The following INPPL1 variants were observed in gnomAD, a reference collection of about 807,000 sequenced individuals.
INPPL1 encodes the protein inositol polyphosphate phosphatase like 1, also known as phosphatidylinositol 3,4,5-trisphosphate 5-phosphatase 2.
A neutral mutation model predicts 139.3 loss-of-function variants in INPPL1; 91 were observed. That is an observed-to-expected ratio of 0.65 (90% confidence interval 0.55 to 0.78). INPPL1 has a LOEUF of 0.78. INPPL1 is among the 30% of genes least tolerant of loss of function. The pLI, the probability that INPPL1 is intolerant of heterozygous loss-of-function variation, is 0.00. For missense variants in INPPL1, 1,411 were observed against 1,665.6 expected (o/e 0.85, Z 2.66); for synonymous variants, 719 against 686.6 (o/e 1.05, Z -0.74).
In INPPL1 at chr11:72,228,216, G is replaced by A; in HGVS notation, c.209G>A (p.Arg70His). 6 of 1,614,098 alleles carry A rather than the reference G, an allele frequency of 3.7e-6. No homozygotes were observed. Among genetic ancestry groups the A allele is most frequent in the Non-Finnish European group, 4.2e-6 (5 of 1,179,992 alleles). ...VLYQKHVHTY[R>H]ILPDGEDFLA... ...TATCAGAAGCATGTGCACACGTATC[G>A]CATTCTGCCTGATGGAGAAGATTTC... The change falls in exon 2 of 28, where the codon CGC becomes CAC. Residue 70 changes from arginine (R) to histidine (H), a missense_variant. By Grantham distance (29) the Arg-to-His change is conservative. Coordinates refer to ENST00000298229, the MANE Select transcript of INPPL1 (RefSeq NM_001567.4). The surrounding 1 kb of genome is among the most constrained non-coding windows in gnomAD (Gnocchi z 5.0).
chr11:72,234,637 C>T lies in INPPL1; in HGVS notation c.2415+22C>T, dbSNP rs1277844714. The T allele has an allele frequency of 1.3e-6, 2 of 1,581,264 alleles. No individual in the cohort carries two copies. The highest frequency in any genetic ancestry group is 1.7e-5 in the Admixed American group (1 of 59,844). ...CACGGTGAGGCTGTGGGCAGGGCCC[C>T]TGCTTATGGGTGAGGGCACAGAGAG... On this transcript the variant is annotated intron_variant, in intron 21 of 27. Transcript: ENST00000298229. This position sits in a 1 kb window ranked among gnomAD's most constrained non-coding sequence, Gnocchi z 4.2.
In INPPL1 at chr11:72,228,824, T is replaced by A; in HGVS notation, c.495T>A (p.Thr165=). The A allele has an allele frequency of 1.9e-6, 3 of 1,611,212 alleles. No homozygotes were observed. The highest frequency in any genetic ancestry group is 2.5e-6 in the Non-Finnish European group (3 of 1,178,538). ...GCAGTCCCCTGCCAGCTCCTGAGAC[T>A]CCCACAGCTCCAGCTGCTGAGAGGT... is the stretch of plus-strand genomic sequence containing the variant. ...GPSSPLPAPE[T]PTAPAAESAP... is the part of the protein sequence containing the mutation. Residue 165 remains threonine, a synonymous_variant, in exon 4 of 28, where the codon ACT becomes ACA. Coordinates refer to ENST00000298229, the MANE Select transcript of INPPL1 (RefSeq NM_001567.4). This position sits in a 1 kb window ranked among gnomAD's most constrained non-coding sequence, Gnocchi z 5.0.
At chr11:72,224,471 G>A (rs1453368970), upstream of INPPL1, among the ~76,000 whole-genome samples, 1 of 151,308 alleles carries the variant, frequency 6.6e-6, no homozygotes, top group Non-Finnish European at 1.5e-5. Flanking sequence ...TGGGAGAACT[G>A]AGAAGCGCTG....
chr11:72,224,912 C>A lies in INPPL1; in HGVS notation c.-73C>A. 1.0e-6 allele frequency: 1 copy of A among 993,818 alleles called. No homozygotes were observed. The highest frequency in any genetic ancestry group is 1.2e-6 in the Non-Finnish European group (1 of 826,300). 61.6% of individuals were successfully genotyped at this position (993,818 alleles called of 1,614,324 possible). A position where few individuals can be genotyped will look rare whatever the true frequency, so the allele number is the denominator to read the frequency against. ...GCCCGGGCCCCGGGCCCGGCCCCAG[C>A]CTCAGCCCTGAGCGTCTCGGGGCGG... is the stretch of plus-strand genomic sequence containing the variant. On this transcript the variant is annotated 5_prime_UTR_variant, in exon 1 of 28. Transcript: ENST00000298229.
rs1948963378 is a variant in INPPL1 at position 72,235,558 on chromosome 11, A to G, written c.2659+107A>G. On this transcript the variant is annotated intron_variant, in intron 23 of 27. Coordinates refer to ENST00000298229, the MANE Select transcript of INPPL1 (RefSeq NM_001567.4). The surrounding 1 kb of genome is among the most constrained non-coding windows in gnomAD (Gnocchi z 4.9). ...TGGGATACCTGGAGGTTCTGCAGCC[A>G]CAGCTGGGAATAGTCCTGCCCCAAG... is the stretch of plus-strand genomic sequence containing the variant. 4 of 1,556,720 alleles carry G rather than the reference A, an allele frequency of 2.6e-6. No homozygotes were observed. Among genetic ancestry groups the G allele is most frequent in the Non-Finnish European group, 2.6e-6 (3 of 1,141,492 alleles).
chr11:72,227,855 A>G (rs1948717360), intron 1 of INPPL1: 1 of 389,102 alleles, frequency 2.6e-6, no homozygotes, highest in African/African-American at 2.0e-5. Context: ...GGGAGCCCAG[A>G]CTGGTACCAC....
In INPPL1 at chr11:72,230,212, T is replaced by G. The variant is rs1415812103; in HGVS notation, c.1031T>G (p.Val344Gly). 5 of 1,612,118 alleles carry G rather than the reference T, an allele frequency of 3.1e-6. No homozygotes were observed. The highest frequency in any genetic ancestry group is 1.1e-5 in the South Asian group (1 of 90,834). ...LSVDVEGGRL[V>G]LLRRQRDSQE... Reference sequence around the variant, plus strand: ...GTGGATGTGGAGGGTGGGCGGCTGGTGCTGCTGCGGAGACAGCGGGACTCC... The same window carrying G: ...GTGGATGTGGAGGGTGGGCGGCTGGGGCTGCTGCGGAGACAGCGGGACTCC... The change falls in exon 9 of 28, where the codon GTG becomes GGG. Residue 344 changes from valine to glycine, a missense_variant. By Grantham distance (109) the Val-to-Gly change is moderately radical. Transcript: ENST00000298229.
chr11:72,237,736 G>A lies in INPPL1; in HGVS notation c.3492G>A (p.Arg1164=). The change falls in exon 26 of 28, where the codon CGG becomes CGA. Residue 1164 remains arginine (R), a synonymous_variant. Coordinates refer to ENST00000298229, the MANE Select transcript of INPPL1 (RefSeq NM_001567.4). Reference sequence around the variant, plus strand: ...GGGGACTGCCCTCGGACTATGGCCGGCCCCTCAGCTTCCCTCCACCCCGCA... The same window carrying A: ...GGGGACTGCCCTCGGACTATGGCCGACCCCTCAGCTTCCCTCCACCCCGCA... ...PPRGLPSDYG[R]PLSFPPPRIR... 6.2e-7 allele frequency: 1 copy of A among 1,611,486 alleles called. No individual in the cohort carries two copies. Among genetic ancestry groups the A allele is most frequent in the Non-Finnish European group, 8.5e-7 (1 of 1,179,420 alleles).
At chr11:72,225,633 T>A (rs1376149127) in intron 1 of INPPL1, 1 of 635,482 alleles carries the variant, frequency 1.6e-6, no homozygotes, top group Non-Finnish European at 2.0e-6. Context: ...GCTTTGGGGT[T>A]CTGCCTGGCC....
chr11:72,232,536 T>A lies in INPPL1; in HGVS notation c.1713-90T>A, dbSNP rs962544586. ...CCCGGATCTTTACCCCATCCCTGACTCCTGAGACTTCTTCCCTTTATGCCT... is the reference window on the plus strand; with the variant it reads ...CCCGGATCTTTACCCCATCCCTGACACCTGAGACTTCTTCCCTTTATGCCT... On this transcript the variant is annotated intron_variant, in intron 14 of 27. Transcript: ENST00000298229. 26 of 1,500,770 alleles carry A rather than the reference T, an allele frequency of 1.7e-5. No individual in the cohort carries two copies. The Admixed American group carries it at 4.7e-4, about 27-fold the overall frequency. The allele number at this position is 1,500,770 out of a possible 1,614,324, so 93.0% of individuals were successfully genotyped here. A position where few individuals can be genotyped will look rare whatever the true frequency, so the allele number is the denominator to read the frequency against.
intron 17 of INPPL1, 110 bp from the exon 18 acceptor site, chr11:72,233,331 C>A: frequency 9.3e-7 from 1 of 1,079,044 alleles, no homozygotes; most frequent in East Asian, 2.4e-5. Context: ...GAGGTGGGTG[C>A]TAGGGCCTCT....
rs546263954 is a variant in INPPL1, at chr11:72,231,802, G to C, written c.1615+187G>C. Among the ~76,000 whole-genome samples the C allele has an allele frequency of 3.9e-4, 59 of 152,284 alleles. No homozygotes were observed. The South Asian group carries it at 0.011, about 27-fold the overall frequency. On this transcript the variant is annotated intron_variant, in intron 13 of 27. Coordinates refer to ENST00000298229, the MANE Select transcript of INPPL1 (RefSeq NM_001567.4). Reference sequence around the variant, plus strand: ...AGCACCACTGGGAAGGCAAGGCCAGGATAATTACCCCCTTTTCACAGATGA... The same window carrying C: ...AGCACCACTGGGAAGGCAAGGCCAGCATAATTACCCCCTTTTCACAGATGA...
At chr11:72,230,714 A>G (rs932786509) in intron 10 of INPPL1, 82 bp from the exon 11 acceptor site, 9 of 1,171,102 alleles carry the variant, frequency 7.7e-6, no homozygotes, top group East Asian at 2.4e-5. Flanking sequence ...CCTCATGGAC[A>G]TGAGCCAACT....
intron 1 of INPPL1, 144 bp downstream of exon 1, chr11:72,225,310 C>T (rs1467121184): frequency 4.1e-6 from 5 of 1,222,876 alleles, no homozygotes; most frequent in South Asian, 4.3e-5. Flanking sequence ...CCTTGGCTTT[C>T]TCCTGGGTCT....
At position 72,229,635 on chromosome 11, in the gene INPPL1, G is replaced by A. The variant is rs375761722; in HGVS notation, c.754-28G>A. 34 of 1,613,022 alleles carry A rather than the reference G, an allele frequency of 2.1e-5. No individual in the cohort carries two copies. The African/African-American group carries it at 4.4e-4, about 21-fold the overall frequency. ...GGGAGGCTCTGCTTAGGTGACTCAT[G>A]TACAAGCCTGGTTCTTCCTCCCCCC... On this transcript the variant is annotated intron_variant, in intron 6 of 27. Coordinates refer to ENST00000298229, the MANE Select transcript of INPPL1 (RefSeq NM_001567.4).
chr11:72,237,708 CCCG>C lies in INPPL1; in HGVS notation c.3465_3467del (p.Arg1156del). On this transcript the variant is annotated inframe_deletion, in exon 26 of 28. Coordinates refer to ENST00000298229, the MANE Select transcript of INPPL1 (RefSeq NM_001567.4). Reference sequence around the variant, plus strand: ...CCAGGCCCCCTGGAGCTGCAGCCCCCCCGGGGACTGCCCTCGGACTATGGCCGG... The same window carrying C: ...CCAGGCCCCCTGGAGCTGCAGCCCCCGGGACTGCCCTCGGACTATGGCCGG... 1 of 1,611,684 alleles carries C rather than the reference CCCG, an allele frequency of 6.2e-7. No homozygotes were observed. Among genetic ancestry groups the C allele is most frequent in the South Asian group, 1.1e-5 (1 of 90,804 alleles).
rs1367761234 is a variant in INPPL1 at position 72,235,796 on chromosome 11, G to A, written c.2738+43G>A. 4.3e-6 allele frequency: 7 copies of A among 1,613,720 alleles called. No individual in the cohort carries two copies. The highest frequency in any genetic ancestry group is 5.9e-6 in the Non-Finnish European group (7 of 1,179,822). ...TGAATGTCATATGAAAGGGTACCTG[G>A]GGGCATCTGGTCAACCCCACTTCAT... On this transcript the variant is annotated intron_variant, in intron 24 of 27. Transcript: ENST00000298229. This position sits in a 1 kb window ranked among gnomAD's most constrained non-coding sequence, Gnocchi z 4.9.
In INPPL1 at chr11:72,235,155, C is replaced by T; in HGVS notation, c.2455C>T (p.Gln819Ter). The change falls in exon 22 of 28, where the codon CAG (glutamine) becomes TAG (stop). Residue 819 changes from glutamine to a stop codon, truncating the protein, a stop_gained. Coordinates refer to ENST00000298229, the MANE Select transcript of INPPL1 (RefSeq NM_001567.4). LOFTEE classifies it high-confidence loss of function. The surrounding 1 kb of genome is among the most constrained non-coding windows in gnomAD (Gnocchi z 4.9). Reference protein sequence around the residue: ...ILADIEYLQDQHLLLTVKSMD... With the variant: ...ILADIEYLQD ...GGCTGATATCGAGTACCTGCAGGACCAGCACCTCCTGCTCACAGTCAAGTC... is the reference window on the plus strand; with the variant it reads ...GGCTGATATCGAGTACCTGCAGGACTAGCACCTCCTGCTCACAGTCAAGTC... The T allele has an allele frequency of 6.2e-7, 1 of 1,614,046 alleles. No individual in the cohort carries two copies.
rs1028267064 is a variant in INPPL1 at position 72,232,316 on chromosome 11, G to A, written c.1692G>A (p.Ser564=). The A allele has an allele frequency of 8.4e-6, 13 of 1,552,866 alleles. No homozygotes were observed. Among genetic ancestry groups the A allele is most frequent in the African/African-American group, 2.7e-5 (2 of 73,100 alleles). ...SFGFVNCHLT[S]GNEKTARRNQ... is the part of the protein sequence containing the mutation. The stretch of plus-strand genomic sequence containing the variant: ...GCTTTGTGAATTGTCACCTCACCTC[G>A]GGAAATGAGAAGACGGCTCGGTGAG... Residue 564 remains serine (S), a synonymous_variant, in exon 14 of 28, where the codon TCG becomes TCA. Coordinates refer to ENST00000298229, the MANE Select transcript of INPPL1 (RefSeq NM_001567.4).
Sources: gnomAD v4.1 joint callset for allele counts (sites outside exome capture counted in the v4.1 genomes callset) on GRCh38, gnomAD v4.1.1 for gene constraint, Gnocchi (gnomAD v3.1) non-coding constraint, MANE v1.5 for transcripts, NCBI Gene and HGNC (gene_info 2026-07-23, HGNC 2026-07-21) for gene names.